Variants in HPSE2 observed in about 807,000 individuals in gnomAD.
HPSE2 encodes inactive heparanase-2.
Under a neutral mutation model 60.5 loss-of-function variants are expected in HPSE2, and 38 were observed. The ratio of observed to expected loss-of-function variants is 0.63; its 90% CI spans 0.48 to 0.82. HPSE2 has a LOEUF of 0.82. Ranked by LOEUF, HPSE2 falls within the 40% of genes least tolerant of loss-of-function variation. The probability of loss-of-function intolerance (pLI) is 0.00; values close to 1 mark genes in which losing one functional copy is unlikely to be tolerated. For synonymous variants in HPSE2, 295 were observed against 293.2 expected (o/e 1.01, Z -0.06); for missense variants, 713 against 740.4 (o/e 0.96, Z 0.43).
intron 3 of HPSE2, among the ~76,000 whole-genome samples, chr10:99,090,347 T>C (rs1431666615): frequency 6.6e-6 from 1 of 152,142 alleles, no homozygotes; most frequent in Non-Finnish European, 1.5e-5. Flanking sequence ...TCTGCAGTAA[T>C]TAAACAGTGC....
At chr10:99,237,167 A>C (rs1307608353), upstream of HPSE2, among the ~76,000 whole-genome samples, 1 of 152,182 alleles carries the variant, frequency 6.6e-6, no homozygotes, top group African/African-American at 2.4e-5. Context: ...TGCTGCAGTC[A>C]CATTGCTGGG....
chr10:98,554,328 C>G (rs989809868), intron 9 of HPSE2, among the ~76,000 whole-genome samples: 1 of 152,198 alleles, frequency 6.6e-6, no homozygotes, highest in Admixed American at 6.5e-5. Flanking sequence ...TTTTTGGCCA[C>G]TGAAATCCTA....
At chr10:98,624,271 G>A (rs756625017) in intron 7 of HPSE2, among the ~76,000 whole-genome samples, 6 of 152,148 alleles carry the variant, frequency 3.9e-5, no homozygotes, top group Non-Finnish European at 7.3e-5. Context: ...AAGAGGGTAA[G>A]GTCAGTACTT....
chr10:98,832,961 C>T (rs1025648768), intron 3 of HPSE2, among the ~76,000 whole-genome samples: 1 of 152,068 alleles, frequency 6.6e-6, no homozygotes, highest in African/African-American at 2.4e-5. Context: ...TATGGCTAAG[C>T]GAGCAGATGT....
intron 3 of HPSE2, among the ~76,000 whole-genome samples, chr10:98,990,855 C>T (rs1488206994): frequency 1.3e-5 from 2 of 152,178 alleles, no homozygotes; most frequent in Non-Finnish European, 2.9e-5. Context: ...AATCATTTCA[C>T]ATTACCTACA....
At chr10:98,576,475 C>T (rs1236338108) in intron 9 of HPSE2, among the ~76,000 whole-genome samples, 1 of 151,974 alleles carries the variant, frequency 6.6e-6, no homozygotes, top group African/African-American at 2.4e-5. Context: ...CAATAATATA[C>T]CAAAAACTGT....
chr10:99,215,900 T>C (rs1849104531), intron 2 of HPSE2, among the ~76,000 whole-genome samples: 1 of 152,240 alleles, frequency 6.6e-6, no homozygotes, highest in Non-Finnish European at 1.5e-5. Flanking sequence ...TTGTATAGGA[T>C]GTGAATTCTA....
chr10:98,660,365 A>G (rs745822827), intron 6 of HPSE2, among the ~76,000 whole-genome samples: 20 of 152,210 alleles, frequency 1.3e-4, no homozygotes, highest in Non-Finnish European at 2.8e-4. Flanking sequence ...ACATGATCAT[A>G]AAGGTCTTCT....
chr10:99,257,387 A>T, the HPSE2 span, among the ~76,000 whole-genome samples: 2 of 152,200 alleles, frequency 1.3e-5, no homozygotes, highest in African/African-American at 4.8e-5. Flanking sequence ...TTTCTCAGCA[A>T]GGAACATCCC....
chr10:99,082,637 C>T (rs1208127291), intron 3 of HPSE2, among the ~76,000 whole-genome samples: 5 of 152,086 alleles, frequency 3.3e-5, no homozygotes. Flanking sequence ...AACGTTGGCT[C>T]CAGGAGAGCT....
intron 2 of HPSE2, among the ~76,000 whole-genome samples, chr10:99,222,822 C>A (rs1051459511): frequency 6.6e-6 from 1 of 152,154 alleles, no homozygotes; most frequent in Admixed American, 6.5e-5. Context: ...CTGCAGTTAT[C>A]GTTCTCTGTT....
chr10:98,587,807 T>C (rs1225150662), intron 9 of HPSE2, among the ~76,000 whole-genome samples: 1 of 152,214 alleles, frequency 6.6e-6, no homozygotes, highest in Non-Finnish European at 1.5e-5. Flanking sequence ...CTCTGGTTGA[T>C]TTTCTTTACT....
At chr10:98,697,466 T>A (rs527298769) in intron 5 of HPSE2, among the ~76,000 whole-genome samples, 1 of 152,084 alleles carries the variant, frequency 6.6e-6, no homozygotes, top group African/African-American at 2.4e-5. Flanking sequence ...GAAAAAAGAA[T>A]GAAAAGGAAT....
At chr10:98,664,533 G>A (rs947909708) in intron 6 of HPSE2, among the ~76,000 whole-genome samples, 5 of 152,128 alleles carry the variant, frequency 3.3e-5, no homozygotes, top group Admixed American at 6.5e-5. Flanking sequence ...GAATGGACCT[G>A]GTAAAGGGAT....
At chr10:99,110,234 C>G (rs779544476) in intron 3 of HPSE2, among the ~76,000 whole-genome samples, 2 of 152,190 alleles carry the variant, frequency 1.3e-5, no homozygotes, top group Non-Finnish European at 2.9e-5. Context: ...GGTAGGCCCA[C>G]TTGAAAAAGA....
intron 3 of HPSE2, chr10:98,924,355 C>T (rs1367129020): frequency 6.6e-6 from 1 of 152,326 alleles, no homozygotes; most frequent in East Asian, 1.9e-4. Flanking sequence ...GCCCAAGGCC[C>T]TTCCCGTCAG....
At chr10:98,583,994 G>A (rs1944872526) in intron 9 of HPSE2, among the ~76,000 whole-genome samples, 1 of 152,154 alleles carries the variant, frequency 6.6e-6, no homozygotes. Context: ...GTGTGGACAT[G>A]TGTTTTTAAT....
intron 6 of HPSE2, among the ~76,000 whole-genome samples, chr10:98,664,265 C>T (rs752098337): frequency 6.6e-6 from 1 of 151,988 alleles, no homozygotes; most frequent in Non-Finnish European, 1.5e-5. Context: ...AGATGGTGGA[C>T]CGGGTGATTC....
chr10:98,817,992 A>G (rs943504179), intron 3 of HPSE2, among the ~76,000 whole-genome samples: 3 of 152,196 alleles, frequency 2.0e-5, no homozygotes, highest in African/African-American at 7.2e-5. Flanking sequence ...AAATCTGTTC[A>G]TACTCCAGTC....
Sources: allele counts gnomAD v4.1 joint callset (sites outside exome capture counted in the v4.1 genomes callset), GRCh38; gene constraint gnomAD v4.1.1; transcripts MANE v1.5; gene names NCBI Gene and HGNC (gene_info 2026-07-23, HGNC 2026-07-21).